The following ACTL8 variants were observed in gnomAD, a reference collection of about 807,000 sequenced individuals.
The protein encoded by ACTL8 is actin-like protein 8.
ACTL8 carries 3 observed loss-of-function variants against 9.3 expected under a neutral mutation model. The ratio of observed to expected loss-of-function variants is 0.32; its 90% confidence interval spans 0.15 to 0.83. ACTL8 has a LOEUF of 0.83. ACTL8 is among the 40% of genes least tolerant of loss of function. The pLI is 0.57. For synonymous variants in ACTL8, 224 were observed against 205.9 expected, an observed-to-expected ratio of 1.09 and a Z score of -0.75; for missense variants, 381 against 492.2, an observed-to-expected ratio of 0.77 and a Z score of 2.14.
At chr1:17,770,709 C>A (rs949275593) in intron 1 of ACTL8, among the ~76,000 whole-genome samples, 1 of 152,056 alleles carries the variant, frequency 6.6e-6, no homozygotes, top group African/African-American at 2.4e-5. Flanking sequence ...ACAGTAGTGG[C>A]AGAAGAGGAT....
intron 2 of ACTL8, among the ~76,000 whole-genome samples, chr1:17,824,524 G>A (rs1280242031): frequency 2.0e-5 from 3 of 152,150 alleles, no homozygotes; most frequent in African/African-American, 7.2e-5. Flanking sequence ...CAAGTTAAAG[G>A]CTAAAATATT....
chr1:17,813,863 T>G (rs1017526826), intron 1 of ACTL8, among the ~76,000 whole-genome samples: 6 of 152,232 alleles, frequency 3.9e-5, no homozygotes, highest in Non-Finnish European at 7.3e-5. Context: ...TTTAAAGGAT[T>G]TATCTATTTT....
chr1:17,805,536 A>G (rs2066354621), intron 1 of ACTL8, among the ~76,000 whole-genome samples: 1 of 151,588 alleles, frequency 6.6e-6, no homozygotes, highest in Non-Finnish European at 1.5e-5. Flanking sequence ...ATGCACCACC[A>G]TGCCCAGCCA....
intron 1 of ACTL8, among the ~76,000 whole-genome samples, chr1:17,774,518 T>C (rs1316285975): frequency 6.6e-6 from 1 of 152,106 alleles, no homozygotes; most frequent in Non-Finnish European, 1.5e-5. Context: ...GAAGGCCCAC[T>C]GAGAAGGTGC....
At chr1:17,812,170 T>C (rs952683451) in intron 1 of ACTL8, among the ~76,000 whole-genome samples, 2 of 152,108 alleles carry the variant, frequency 1.3e-5, no homozygotes, top group Non-Finnish European at 2.9e-5. Context: ...ATCTTGATTA[T>C]TATAAACTTA....
intron 1 of ACTL8, among the ~76,000 whole-genome samples, chr1:17,795,420 AG>A (rs1204588223): frequency 6.6e-6 from 1 of 152,254 alleles, no homozygotes; most frequent in African/African-American, 2.4e-5. Flanking sequence ...ACTGCCTTGC[AG>A]GGTTCGTGTG....
chr1:17,780,118 G>C (rs2066144782), intron 1 of ACTL8, among the ~76,000 whole-genome samples: 1 of 152,192 alleles, frequency 6.6e-6, no homozygotes, highest in Non-Finnish European at 1.5e-5. Flanking sequence ...GAGGTGGGAG[G>C]ATTGCTTTGA....
intron 1 of ACTL8, among the ~76,000 whole-genome samples, chr1:17,815,020 C>G (rs570430408): frequency 6.6e-6 from 1 of 152,246 alleles, no homozygotes; most frequent in East Asian, 1.9e-4. Context: ...CCGTTTATAG[C>G]ATAGCAAGAC....
At chr1:17,757,884 C>T (rs2065978305) in intron 1 of ACTL8, among the ~76,000 whole-genome samples, 1 of 152,168 alleles carries the variant, frequency 6.6e-6, no homozygotes, top group African/African-American at 2.4e-5. Context: ...GGTTGGTTGA[C>T]TGAAACTTGG....
chr1:17,825,975 A>G lies in ACTL8; in HGVS notation c.557A>G (p.Lys186Arg), dbSNP rs775475178. ...AGQDLSAYLL[K>R]SLFKEDCDRR... is the part of the protein sequence containing the mutation. ...CAGGATCTCTCCGCCTATCTCCTCA[A>G]GAGTCTCTTTAAGGAAGATTGCGAT... is the stretch of plus-strand genomic sequence containing the variant. The change falls in exon 3 of 3, where the codon AAG becomes AGG. Residue 186 changes from lysine (K) to arginine (R), a missense_variant. Physicochemically the swap from Lys to Arg is conservative, Grantham distance 26. Around this residue, in one of 3 missense-constraint regions of ACTL8, gnomAD observed 243 missense variants for 276.2 expected, o/e 0.88. Coordinates refer to ENST00000375406, the MANE Select transcript of ACTL8 (RefSeq NM_030812.3). 1 of 1,609,830 alleles carries G rather than the reference A, an allele frequency of 6.2e-7. No homozygotes were observed. The highest frequency in any genetic ancestry group is 8.5e-7 in the Non-Finnish European group (1 of 1,179,988).
chr1:17,762,324 C>T (rs2066012079), intron 1 of ACTL8, among the ~76,000 whole-genome samples: 1 of 152,016 alleles, frequency 6.6e-6, no homozygotes. Context: ...TGTCGCTGGT[C>T]CACGCAGAAA....
intron 1 of ACTL8, among the ~76,000 whole-genome samples, chr1:17,805,355 G>T (rs59332817): frequency 0.017 from 2,348 of 140,600 alleles, 65 homozygotes; most frequent in African/African-American, 0.058. Flanking sequence ...TTATAAAATA[G>T]ATATATTTTC....
At chr1:17,794,827 G>C (rs2066265910) in intron 1 of ACTL8, among the ~76,000 whole-genome samples, 1 of 152,166 alleles carries the variant, frequency 6.6e-6, no homozygotes, top group South Asian at 2.1e-4. Context: ...TTAAAGAAAA[G>C]CACCTTTGAA....
intron 1 of ACTL8, among the ~76,000 whole-genome samples, chr1:17,803,309 G>A (rs1206698598): frequency 2.0e-5 from 3 of 152,158 alleles, no homozygotes; most frequent in Non-Finnish European, 4.4e-5. Context: ...CCAGCCATGC[G>A]GAAATGTGAG....
At position 17,783,705 on chromosome 1, in the gene ACTL8, G is replaced by C. The variant is rs140366975; in HGVS notation, c.-25+28201G>C. On this transcript the variant is annotated intron_variant, in intron 1 of 2. Transcript: ENST00000375406. ...ATGTCACCTCCAGGCCTCTTCTGCA[G>C]ACAAGCTGCTCCTATGTTCACTTTC... Among the ~76,000 whole-genome samples the C allele has an allele frequency of 1.1e-3, 167 of 152,330 alleles. 1 individual carries two copies. The highest frequency in any genetic ancestry group is 3.7e-3 in the African/African-American group (152 of 41,576).
intron 1 of ACTL8, among the ~76,000 whole-genome samples, chr1:17,756,569 A>C (rs1027529910): frequency 6.6e-6 from 1 of 152,276 alleles, no homozygotes; most frequent in African/African-American, 2.4e-5. Flanking sequence ...ATAATTCTTC[A>C]TATGAAACTT....
intron 1 of ACTL8, among the ~76,000 whole-genome samples, chr1:17,821,402 A>T (rs1272393616): frequency 6.6e-6 from 1 of 152,116 alleles, no homozygotes. Flanking sequence ...CAGGTTTTAC[A>T]TTTATTTCTG....
intron 1 of ACTL8, among the ~76,000 whole-genome samples, chr1:17,812,909 G>A (rs563051196): frequency 1.3e-5 from 2 of 152,202 alleles, no homozygotes; most frequent in African/African-American, 4.8e-5. Flanking sequence ...TGATGTTATT[G>A]TCAATGATAC....
chr1:17,758,777 T>C (rs1328370206), intron 1 of ACTL8, among the ~76,000 whole-genome samples: 1 of 152,188 alleles, frequency 6.6e-6, no homozygotes, highest in Non-Finnish European at 1.5e-5. Context: ...GTAGATTTGC[T>C]TGGTCCATGC....
Sources: allele counts gnomAD v4.1 joint callset (sites outside exome capture counted in the v4.1 genomes callset), GRCh38; gene constraint gnomAD v4.1.1; regional missense constraint gnomAD v4.1.1; transcripts MANE v1.5; gene names NCBI Gene and HGNC (gene_info 2026-07-23, HGNC 2026-07-21).